The following CCDC32 variants were observed in gnomAD, a reference collection of about 807,000 sequenced individuals.
CCDC32 encodes the protein coiled-coil domain containing 32.
CCDC32 carries 9 observed loss-of-function variants against 20.1 expected under a neutral mutation model. That is an observed-to-expected ratio of 0.45 (90% confidence interval 0.27 to 0.78). The LOEUF (loss-of-function observed/expected upper bound fraction) is 0.78, where lower values mean the gene tolerates loss of function less well. CCDC32 is among the 30% of genes least tolerant of loss of function. The pLI is 0.16. For synonymous variants in CCDC32, 63 were observed against 79.0 expected (o/e 0.80, Z 1.07); for missense variants, 204 against 215.5 (o/e 0.95, Z 0.33).
chr15:40,543,856 C>T (rs1375750314), intron 3 of CCDC32, among the ~76,000 whole-genome samples: 3 of 152,194 alleles, frequency 2.0e-5, no homozygotes, highest in Admixed American at 6.5e-5. Flanking sequence ...GGTGCCCAGA[C>T]GATGCTTTCA....
At chr15:40,529,659 G>GTTTTTTTTT (rs1200971655) in intron 3 of CCDC32, 1 of 114,106 alleles carries the variant, frequency 8.8e-6, no homozygotes, top group African/African-American at 3.6e-5. Context: ...GGTTTGGATG[G>GTTTTTTTTT]TTTTTTTTTT....
At chr15:40,528,915 G>A (rs1400860224) in intron 3 of CCDC32, 2 of 621,644 alleles carry the variant, frequency 3.2e-6, no homozygotes, top group African/African-American at 1.8e-5. Context: ...TCTGGCTCCA[G>A]CACGTGCTGA....
intron 1 of CCDC32, 27 bp downstream of exon 1, chr15:40,564,949 T>C (rs1220899384): frequency 5.4e-6 from 4 of 742,508 alleles, no homozygotes; most frequent in Non-Finnish European, 8.8e-6. Context: ...TCCAAAACGC[T>C]GGGCACCCCA....
chr15:40,557,408 G>A, intron 2 of CCDC32, 36 bp from the exon 3 acceptor site: 2 of 1,550,730 alleles, frequency 1.3e-6, no homozygotes, highest in Non-Finnish European at 1.7e-6. Flanking sequence ...AGGAAAATGA[G>A]CATGACATGA....
rs1314715780 is a variant in CCDC32 at position 40,553,145 on chromosome 15, AC to A, written c.*825del. 3.0e-6 allele frequency: 3 copies of A among 985,350 alleles called. No homozygotes were observed. Among genetic ancestry groups the A allele is most frequent in the Non-Finnish European group, 3.6e-6 (3 of 829,984 alleles). 61.0% of individuals were successfully genotyped at this position (985,350 alleles called of 1,614,324 possible). A position where few individuals can be genotyped will look rare whatever the true frequency, so the allele number is the denominator to read the frequency against. On this transcript the variant is annotated 3_prime_UTR_variant, in exon 4 of 4. Transcript: ENST00000416810. ...ATGGAAACACATACTGATCATGAAC[AC>A]AATAAACAGGGAGGGAAGCTCGGGC...
chr15:40,562,660 G>A (rs1188404855), intron 2 of CCDC32, 112 bp downstream of exon 2: 2 of 1,255,606 alleles, frequency 1.6e-6, no homozygotes, highest in Non-Finnish European at 2.2e-6. Flanking sequence ...ACATCCCTTG[G>A]AATTATATCT....
In CCDC32 at chr15:40,553,191, C is replaced by T; in HGVS notation, c.*780G>A. 1.0e-6 allele frequency: 1 copy of T among 985,430 alleles called. No individual in the cohort carries two copies. Among genetic ancestry groups the T allele is most frequent in the Non-Finnish European group, 1.2e-6 (1 of 829,964 alleles). 61.0% of individuals were successfully genotyped at this position (985,430 alleles called of 1,614,324 possible). ...TCGGGCTCAGCCAGGAAACCTGCCA[C>T]AAGGAAGATGTTTGGAACTATCCAG... is the stretch of plus-strand genomic sequence containing the variant. On this transcript the variant is annotated 3_prime_UTR_variant, in exon 4 of 4. Transcript: ENST00000416810.
At chr15:40,563,403 A>G (rs1471404227) in intron 1 of CCDC32, among the ~76,000 whole-genome samples, 2 of 152,242 alleles carry the variant, frequency 1.3e-5, no homozygotes, top group East Asian at 3.9e-4. Context: ...TGGAATTCCT[A>G]CAAGCCATAC....
downstream of CCDC32, chr15:40,534,852 A>G: frequency 1.4e-6 from 1 of 701,940 alleles, no homozygotes; most frequent in Non-Finnish European, 2.6e-6. Context: ...TTTTAGAGGG[A>G]CACAAACACA....
At chr15:40,535,998 G>T (rs1889091749), downstream of CCDC32, 1 of 152,280 alleles carries the variant, frequency 6.6e-6, no homozygotes, top group Admixed American at 6.5e-5. Flanking sequence ...TGCCCATGAG[G>T]AAGGTTAATC....
rs143212546 is a variant in CCDC32, at chr15:40,564,569, G to A, written c.-13+407C>T. ...GAGACAGGCTGACACCTTCTTTCAA[G>A]AGGAGACTTAGAAATCAGGAAGGCT... On this transcript the variant is annotated intron_variant, in intron 1 of 3. Coordinates refer to ENST00000416810, the MANE Select transcript of CCDC32 (RefSeq NM_001080792.4). 1.4e-3 allele frequency among the ~76,000 whole-genome samples: 217 copies of A among 152,174 alleles called. 2 individuals carry two copies. The East Asian group carries it at 0.026, about 19-fold the overall frequency.
rs201845220 is a variant in CCDC32, at chr15:40,563,047, G to A, written c.-12-20C>T. 6.8e-6 allele frequency: 11 copies of A among 1,609,066 alleles called. No homozygotes were observed. In the Admixed American group the frequency reaches 1.2e-4, roughly 17 times the overall value. On this transcript the variant is annotated intron_variant, in intron 1 of 3. Transcript: ENST00000416810. ...TCTGAGCTATAAAACAGAAGCTCAA[G>A]TGAGTAAGAACTGGCTTTAAGAATA...
intron 3 of CCDC32, among the ~76,000 whole-genome samples, chr15:40,556,266 A>G (rs1016675823): frequency 1.3e-5 from 2 of 152,228 alleles, no homozygotes; most frequent in Non-Finnish European, 2.9e-5. Flanking sequence ...CACCAAAGCC[A>G]GGAGGGAGCT....
At chr15:40,527,244 C>T (rs1039766330), downstream of CCDC32, among the ~76,000 whole-genome samples, 1 of 152,142 alleles carries the variant, frequency 6.6e-6, no homozygotes, top group Non-Finnish European at 1.5e-5. Context: ...GATCTCAGCT[C>T]ACTGCAACCT....
At chr15:40,564,324 G>A (rs1455126690) in intron 1 of CCDC32, among the ~76,000 whole-genome samples, 2 of 152,108 alleles carry the variant, frequency 1.3e-5, no homozygotes, top group Non-Finnish European at 2.9e-5. Context: ...CCATTTTACA[G>A]ATGAAAAAAC....
Position 40,553,699 on chromosome 15 carries a change from A to C in CCDC32, c.*272T>G. ...AGCTCAGCCAAGCTGTGAGACACAG[A>C]GGAAAGCAGCATTTTGATCCAGTGT... is the stretch of plus-strand genomic sequence containing the variant. On this transcript the variant is annotated 3_prime_UTR_variant, in exon 4 of 4. Coordinates refer to ENST00000416810, the MANE Select transcript of CCDC32 (RefSeq NM_001080792.4). 1.6e-6 allele frequency: 2 copies of C among 1,227,934 alleles called. No homozygotes were observed. Among genetic ancestry groups the C allele is most frequent in the Non-Finnish European group, 2.0e-6 (2 of 983,616 alleles). 76.1% of individuals were successfully genotyped at this position (1,227,934 alleles called of 1,614,324 possible). A position where few individuals can be genotyped will look rare whatever the true frequency, so the allele number is the denominator to read the frequency against.
intron 1 of CCDC32, among the ~76,000 whole-genome samples, chr15:40,564,387 C>G (rs1890880602): frequency 6.6e-6 from 1 of 152,116 alleles, no homozygotes; most frequent in African/African-American, 2.4e-5. Context: ...GTGGGGAATC[C>G]TTGACAGGAA....
At chr15:40,551,255 G>C (rs943034774), downstream of CCDC32, among the ~76,000 whole-genome samples, 1 of 152,014 alleles carries the variant, frequency 6.6e-6, no homozygotes, top group African/African-American at 2.4e-5. Context: ...GGTGGTGGGC[G>C]CCTGTAGTCC....
intron 2 of CCDC32, among the ~76,000 whole-genome samples, chr15:40,561,535 T>C (rs1890634452): frequency 6.6e-6 from 1 of 151,714 alleles, no homozygotes; most frequent in South Asian, 2.1e-4. Flanking sequence ...TACTGGACTT[T>C]GGAGATTCAG....
Sources: allele counts gnomAD v4.1 joint callset (sites outside exome capture counted in the v4.1 genomes callset), GRCh38; gene constraint gnomAD v4.1.1; transcripts MANE v1.5; gene names NCBI Gene and HGNC (gene_info 2026-07-23, HGNC 2026-07-21).